The following NFIA variants were observed in gnomAD, a reference collection of about 807,000 sequenced individuals.
The protein encoded by NFIA is nuclear factor 1 A-type.
NFIA carries 8 observed loss-of-function variants against 62.8 expected under a neutral mutation model. That is an observed-to-expected ratio of 0.13 (90% CI 0.07 to 0.23). The LOEUF (loss-of-function observed/expected upper bound fraction) is 0.23. NFIA is among the 10% of genes least tolerant of loss of function. The pLI is 1.00. For synonymous variants in NFIA, 235 were observed against 238.1 expected (o/e 0.99, Z 0.12); for missense variants, 410 against 642.1 (o/e 0.64, Z 3.91).
chr1:61,164,620 C>T (rs1243896644), intron 2 of NFIA, among the ~76,000 whole-genome samples: 1 of 151,950 alleles, frequency 6.6e-6, no homozygotes, highest in Non-Finnish European at 1.5e-5. Flanking sequence ...CCGCCACGCC[C>T]GGCTAATTTT....
chr1:61,453,442 ACTT>A (rs1668154138), intron 10 of NFIA, among the ~76,000 whole-genome samples: 2 of 132,466 alleles, frequency 1.5e-5, no homozygotes, highest in African/African-American at 5.6e-5. Context: ...GTGTGAAGAA[ACTT>A]TTTTTTTTTT....
At chr1:61,349,702 G>A (rs1453878541) in intron 4 of NFIA, among the ~76,000 whole-genome samples, 1 of 152,022 alleles carries the variant, frequency 6.6e-6, no homozygotes, top group East Asian at 1.9e-4. Flanking sequence ...AGCCTCCTAA[G>A]TAGCTGGGAC....
chr1:61,353,448 C>G (rs1662662557), intron 5 of NFIA, among the ~76,000 whole-genome samples: 1 of 152,192 alleles, frequency 6.6e-6, no homozygotes, highest in African/African-American at 2.4e-5. Context: ...ATTAAACCCA[C>G]AGTATTCTTT....
intron 3 of NFIA, among the ~76,000 whole-genome samples, chr1:61,282,540 C>T (rs1037789487): frequency 1.3e-5 from 2 of 152,138 alleles, no homozygotes; most frequent in Non-Finnish European, 2.9e-5. Context: ...TCAGGTCAGT[C>T]ATTAATGAGG....
chr1:61,252,012 C>T (rs1001953112), intron 2 of NFIA, among the ~76,000 whole-genome samples: 1 of 152,114 alleles, frequency 6.6e-6, no homozygotes, highest in African/African-American at 2.4e-5. Context: ...TTTCTAATTA[C>T]TTTTTGATAT....
chr1:61,323,010 G>A (rs932795065), intron 3 of NFIA, among the ~76,000 whole-genome samples: 7 of 152,180 alleles, frequency 4.6e-5, no homozygotes, highest in Admixed American at 1.3e-4. Context: ...AAAAAACACA[G>A]ATTAGGTGTC....
chr1:61,152,877 C>A (rs1351479192), intron 2 of NFIA, among the ~76,000 whole-genome samples: 1 of 152,160 alleles, frequency 6.6e-6, no homozygotes. Context: ...GTCTTTTACT[C>A]TGAGGAGAGA....
At chr1:61,370,776 T>C (rs1487969233) in intron 6 of NFIA, among the ~76,000 whole-genome samples, 1 of 152,208 alleles carries the variant, frequency 6.6e-6, no homozygotes, top group Non-Finnish European at 1.5e-5. Flanking sequence ...TCCCACACTT[T>C]GATGATTTAC....
chr1:61,141,691 C>CCCTT (rs1430118281), intron 2 of NFIA, among the ~76,000 whole-genome samples: 2 of 152,168 alleles, frequency 1.3e-5, no homozygotes, highest in East Asian at 3.8e-4. Context: ...GACCCTAAAT[C>CCCTT]CCTTCTATTT....
rs1053927575 is a variant in NFIA, at chr1:61,388,862, C to T, written c.1075+5497C>T. ...AGGTATGGTGACTCACACTTGTAAT[C>T]CCAGCACTTCAGGAGGCTGAGGCAG... is the stretch of plus-strand genomic sequence containing the variant. On this transcript the variant is annotated intron_variant, in intron 7 of 10. Transcript: ENST00000403491. Among the ~76,000 whole-genome samples the T allele has an allele frequency of 1.1e-4, 16 of 152,286 alleles. No individual in the cohort carries two copies. In the South Asian group the frequency reaches 2.1e-3, roughly 20 times the overall value.
At chr1:61,177,781 T>TA (rs1650480425) in intron 2 of NFIA, among the ~76,000 whole-genome samples, 1 of 152,058 alleles carries the variant, frequency 6.6e-6, no homozygotes, top group Admixed American at 6.6e-5. Context: ...CCATCCTGAA[T>TA]AGAGAGGAGC....
Position 61,133,155 on chromosome 1 carries a change from A to C in NFIA, c.559+44475A>C, listed in dbSNP as rs372127940. The C allele has an allele frequency of 8.6e-5, 13 of 151,900 alleles. No individual in the cohort carries two copies. In the East Asian group the frequency reaches 2.5e-3, roughly 29 times the overall value. The allele number at this position is 151,900 out of a possible 1,614,324, so 9.4% of individuals were successfully genotyped here. ...ATAGGCATTTTTTTTTCTTCTTCTCAGCATGTGAACCAATGTGTAACTCAA... is the reference window on the plus strand; with the variant it reads ...ATAGGCATTTTTTTTTCTTCTTCTCCGCATGTGAACCAATGTGTAACTCAA... On this transcript the variant is annotated intron_variant, in intron 2 of 10. Coordinates refer to ENST00000403491, the MANE Select transcript of NFIA (RefSeq NM_001134673.4).
intron 4 of NFIA, among the ~76,000 whole-genome samples, chr1:61,341,450 G>A (rs1661906266): frequency 6.6e-6 from 1 of 152,038 alleles, no homozygotes; most frequent in South Asian, 2.1e-4. Context: ...AATGGCAGAA[G>A]CATGCTACAG....
At chr1:61,153,076 C>T (rs1648534300) in intron 2 of NFIA, among the ~76,000 whole-genome samples, 3 of 152,330 alleles carry the variant, frequency 2.0e-5, no homozygotes, top group South Asian at 4.1e-4. Context: ...AGTCCCTTTA[C>T]TTTCCTGAAA....
intron 9 of NFIA, among the ~76,000 whole-genome samples, chr1:61,420,392 T>C (rs1351869104): frequency 6.6e-6 from 1 of 151,980 alleles, no homozygotes; most frequent in African/African-American, 2.4e-5. Context: ...TTTTTTTAAA[T>C]AGCATGACAG....
intron 2 of NFIA, among the ~76,000 whole-genome samples, chr1:61,239,684 A>G (rs992143321): frequency 3.9e-5 from 6 of 152,174 alleles, no homozygotes; most frequent in African/African-American, 1.4e-4. Context: ...CATCTTATAG[A>G]GGAGCAAATG....
chr1:61,280,584 G>A (rs976789994), intron 3 of NFIA, among the ~76,000 whole-genome samples: 4 of 152,156 alleles, frequency 2.6e-5, no homozygotes, highest in Non-Finnish European at 4.4e-5. Flanking sequence ...ATGGTAACAC[G>A]CTGTTTCATC....
chr1:61,368,782 T>C (rs1275920199), intron 6 of NFIA, among the ~76,000 whole-genome samples: 1 of 152,370 alleles, frequency 6.6e-6, no homozygotes, highest in African/African-American at 2.4e-5. Flanking sequence ...CTAAACTTAC[T>C]GTATGAATTT....
At chr1:61,291,933 T>A (rs2100310121) in intron 3 of NFIA, among the ~76,000 whole-genome samples, 1 of 152,334 alleles carries the variant, frequency 6.6e-6, no homozygotes, top group East Asian at 1.9e-4. Context: ...TATTACAATG[T>A]GTAATCTGTA....
Sources: gnomAD v4.1 joint callset for allele counts (sites outside exome capture counted in the v4.1 genomes callset) on GRCh38, gnomAD v4.1.1 for gene constraint, MANE v1.5 for transcripts, NCBI Gene and HGNC (gene_info 2026-07-23, HGNC 2026-07-21) for gene names.